The following PPFIBP2 variants were observed in gnomAD, a reference collection of about 807,000 sequenced individuals.
PPFIBP2 encodes the protein PPFIB scaffold protein 2.
Under a neutral mutation model 118.3 loss-of-function variants are expected in PPFIBP2, and 118 were observed. The observed-to-expected ratio is 1.00, with a 90% CI of 0.86 to 1.16. PPFIBP2 has a LOEUF of 1.16. Ranked by LOEUF, PPFIBP2 falls within the 50% of genes most tolerant of loss-of-function variation. PPFIBP2 has a pLI of 0.00. For missense variants in PPFIBP2, 1,195 were observed against 1,073.1 expected (o/e 1.11, Z -1.59); for synonymous variants, 414 against 397.4 (o/e 1.04, Z -0.50).
Position 7,648,507 on chromosome 11 carries a change from A to C in PPFIBP2, c.1767A>C (p.Leu589Phe). 6.2e-7 allele frequency: 1 copy of C among 1,613,950 alleles called. No individual in the cohort carries two copies. The highest frequency in any genetic ancestry group is 1.1e-5 in the South Asian group (1 of 91,066). Reference protein sequence around the residue: ...ARQWVSSGHTLLTATPQDMEK... With the variant: ...ARQWVSSGHTFLTATPQDMEK... ...AGTGGGTATCTTCTGGCCACACCTT[A>C]TTGACAGCCACCCCTCAGGACATGG... The change falls in exon 18 of 24, where the codon TTA (leucine) becomes TTC (phenylalanine). Residue 589 changes from leucine (L) to phenylalanine (F), a missense_variant. Leu to Phe is a conservative substitution (Grantham distance 22). Coordinates refer to ENST00000299492, the MANE Select transcript of PPFIBP2 (RefSeq NM_003621.5).
At chr11:7,528,514 A>G (rs1051618192) in intron 1 of PPFIBP2, among the ~76,000 whole-genome samples, 1 of 152,202 alleles carries the variant, frequency 6.6e-6, no homozygotes, top group Non-Finnish European at 1.5e-5. Context: ...CAAGTTACCT[A>G]CAACCAACCT....
At chr11:7,661,725 C>G (rs1854894242), downstream of PPFIBP2, among the ~76,000 whole-genome samples, 1 of 86,172 alleles carries the variant, frequency 1.2e-5, no homozygotes, top group Non-Finnish European at 2.7e-5. Context: ...TCTCGTTTAT[C>G]TGTCTAATGT....
chr11:7,652,948 T>C, intron 23 of PPFIBP2, 76 bp from the exon 24 acceptor site: 2 of 1,469,732 alleles, frequency 1.4e-6, no homozygotes, highest in South Asian at 1.3e-5. Flanking sequence ...TGCTCTTAAA[T>C]TTTAAGTATA....
downstream of PPFIBP2, among the ~76,000 whole-genome samples, chr11:7,657,810 G>C (rs995800882): frequency 6.6e-6 from 1 of 152,198 alleles, no homozygotes; most frequent in Non-Finnish European, 1.5e-5. Context: ...TGCCGTGTCT[G>C]CCCTTGAGCC....
chr11:7,587,596 C>T (rs1035240045), intron 3 of PPFIBP2, among the ~76,000 whole-genome samples: 8 of 152,212 alleles, frequency 5.3e-5, no homozygotes, highest in African/African-American at 1.9e-4. Context: ...GATGAGAATG[C>T]CTCCAGTCTT....
At chr11:7,597,732 C>T in intron 5 of PPFIBP2, 59 bp downstream of exon 5, 2 of 1,340,724 alleles carry the variant, frequency 1.5e-6, no homozygotes, top group Non-Finnish European at 2.1e-6. Context: ...GCTGAAGCCC[C>T]TTTGTGTGCC....
At position 7,565,746 on chromosome 11, in the gene PPFIBP2, G is replaced by C. The variant is rs1272397028; in HGVS notation, c.258G>C (p.Lys86Asn). 1.7e-5 allele frequency: 28 copies of C among 1,614,184 alleles called. No homozygotes were observed. The East Asian group carries it at 6.2e-4, about 36-fold the overall frequency. The stretch of plus-strand genomic sequence containing the variant: ...CTGGCCCAACAGCTGCCTACATAAA[G>C]GAATGGTTTGAAGAGAGCTTGGTGA... Reference protein sequence around the residue: ...QIPGPTAAYIKEWFEESLSQV... With the variant: ...QIPGPTAAYINEWFEESLSQV... Residue 86 changes from lysine (K) to asparagine (N), a missense_variant, in exon 3 of 24, where the codon AAG (lysine) becomes AAC (asparagine). Physicochemically the swap from Lys to Asn is moderately conservative, Grantham distance 94 (BLOSUM62 0). Transcript: ENST00000299492.
At chr11:7,515,061 T>G (rs1428262171) in intron 1 of PPFIBP2, among the ~76,000 whole-genome samples, 6 of 152,230 alleles carry the variant, frequency 3.9e-5, no homozygotes, top group Non-Finnish European at 8.8e-5. Context: ...AGTAGTTGGT[T>G]TTCGACATAA....
chr11:7,642,466 A>G, intron 17 of PPFIBP2, 40 bp downstream of exon 17: 1 of 1,577,994 alleles, frequency 6.3e-7, no homozygotes, highest in Non-Finnish European at 8.6e-7. Context: ...CCCTGCTCTG[A>G]AAAAGAAGTA....
At chr11:7,618,885 GT>G (rs36101082) in intron 6 of PPFIBP2, among the ~76,000 whole-genome samples, 14,575 of 124,482 alleles carry the variant, frequency 0.12, 789 homozygotes, top group East Asian at 0.26. Flanking sequence ...CCATCCAGAA[GT>G]TTTTTTTTTT....
At position 7,649,552 on chromosome 11, in the gene PPFIBP2, A is replaced by C; in HGVS notation, c.2019A>C (p.Lys673Asn). ...TTCAGAACGATTTACTCTTCTTAAA[A>C]GTCACCAGCCAACTACATCATCTCA... Reference protein sequence around the residue: ...YLTVNDLLFLKVTSQLHHLSI... With the variant: ...YLTVNDLLFLNVTSQLHHLSI... The change falls in exon 21 of 24, where the codon AAA becomes AAC. Residue 673 changes from lysine to asparagine, a missense_variant. Transcript: ENST00000299492. 1 of 1,614,224 alleles carries C rather than the reference A, an allele frequency of 6.2e-7. No individual in the cohort carries two copies. The highest frequency in any genetic ancestry group is 1.1e-5 in the South Asian group (1 of 91,086).
chr11:7,603,945 C>T lies in PPFIBP2; in HGVS notation c.486+6272C>T, dbSNP rs533457466. On this transcript the variant is annotated intron_variant, in intron 5 of 23. Coordinates refer to ENST00000299492, the MANE Select transcript of PPFIBP2 (RefSeq NM_003621.5). ...GAATGATGCCTGTGAAGCCTTTGCC[C>T]CTTATCCTCAGCTCGCTGCCTCCCC... Among the ~76,000 whole-genome samples, 416 of 152,268 alleles carry T rather than the reference C, an allele frequency of 2.7e-3. 1 individual carries two copies. Among genetic ancestry groups the T allele is most frequent in the Non-Finnish European group, 4.6e-3 (312 of 68,030 alleles).
chr11:7,656,583 G>A (rs1327329556), downstream of PPFIBP2: 6 of 402,538 alleles, frequency 1.5e-5, no homozygotes, highest in Non-Finnish European at 2.9e-5. Context: ...CCAATACTCA[G>A]GGTTTCTTGG....
rs112974056 is a variant in PPFIBP2, at chr11:7,535,360, G to A, written c.-36-14080G>A. 2.3e-3 allele frequency among the ~76,000 whole-genome samples: 355 copies of A among 152,334 alleles called. 2 individuals are homozygous for A. The highest frequency in any genetic ancestry group is 0.017 in the Middle Eastern group (5 of 294). ...GACAAAGGCACAGTGGCATAAGGATGCTCTCTTGCGGCTGGGGTATCAGGA... is the reference window on the plus strand; with the variant it reads ...GACAAAGGCACAGTGGCATAAGGATACTCTCTTGCGGCTGGGGTATCAGGA... On this transcript the variant is annotated intron_variant, in intron 1 of 23. Coordinates refer to ENST00000299492, the MANE Select transcript of PPFIBP2 (RefSeq NM_003621.5).
chr11:7,585,493 G>T (rs542837595), intron 3 of PPFIBP2, among the ~76,000 whole-genome samples: 3 of 152,314 alleles, frequency 2.0e-5, no homozygotes, highest in Non-Finnish European at 4.4e-5. Flanking sequence ...AGTCTCCTGG[G>T]TCATGCCAGT....
At position 7,651,206 on chromosome 11, in the gene PPFIBP2, A is replaced by T. The variant is rs952138833; in HGVS notation, c.2247+241A>T. The T allele has an allele frequency of 1.7e-5, 7 of 412,690 alleles. No homozygotes were observed. The East Asian group carries it at 2.8e-4, about 17-fold the overall frequency. The allele number at this position is 412,690 out of a possible 1,614,324, so 25.6% of individuals were successfully genotyped here. ...CATGAGACTTGAGGATTCTAGGTCG[A>T]TGGGTTGCATGGAGACCAACGCTTA... On this transcript the variant is annotated intron_variant, in intron 22 of 23. Coordinates refer to ENST00000299492, the MANE Select transcript of PPFIBP2 (RefSeq NM_003621.5).
chr11:7,615,252 C>G (rs1267648097), intron 6 of PPFIBP2, among the ~76,000 whole-genome samples: 1 of 150,916 alleles, frequency 6.6e-6, no homozygotes, highest in African/African-American at 2.4e-5. Flanking sequence ...ATGAGAATTG[C>G]TTGAACCTGG....
At chr11:7,580,693 T>C (rs1370045697) in intron 3 of PPFIBP2, among the ~76,000 whole-genome samples, 1 of 152,192 alleles carries the variant, frequency 6.6e-6, no homozygotes, top group East Asian at 1.9e-4. Context: ...AGCTGTGTGA[T>C]CCAAGGTAAA....
chr11:7,543,061 A>G (rs532378374), intron 1 of PPFIBP2, among the ~76,000 whole-genome samples: 1 of 152,346 alleles, frequency 6.6e-6, no homozygotes, highest in East Asian at 1.9e-4. Context: ...CTTTAGGAAG[A>G]AAGTAGTTGT....
Sources: gnomAD v4.1 joint callset for allele counts (sites outside exome capture counted in the v4.1 genomes callset) on GRCh38, gnomAD v4.1.1 for gene constraint, MANE v1.5 for transcripts, NCBI Gene and HGNC (gene_info 2026-07-23, HGNC 2026-07-21) for gene names.